The following SLC7A1 variants were observed in gnomAD, a reference collection of about 807,000 sequenced individuals.
The protein encoded by SLC7A1 is high affinity cationic amino acid transporter 1.
In SLC7A1, 10 loss-of-function variants were observed where a neutral mutation model predicts 53.9. The ratio of observed to expected loss-of-function variants is 0.19; its 90% CI spans 0.11 to 0.31. SLC7A1 has a LOEUF of 0.31. SLC7A1 is among the 10% of genes least tolerant of loss of function. The pLI is 1.00. For missense variants in SLC7A1, 525 were observed against 827.2 expected, an observed-to-expected ratio of 0.63 and a Z score of 4.48; for synonymous variants, 342 against 338.7, an observed-to-expected ratio of 1.01 and a Z score of -0.11.
At chr13:29,563,766 C>G (rs1282669879) in intron 1 of SLC7A1, among the ~76,000 whole-genome samples, 6 of 152,144 alleles carry the variant, frequency 3.9e-5, no homozygotes, top group Non-Finnish European at 8.8e-5. Flanking sequence ...CCCATCCCCA[C>G]TTTATGGATG....
intron 4 of SLC7A1, among the ~76,000 whole-genome samples, chr13:29,532,392 G>A (rs184805936): frequency 9.5e-4 from 144 of 152,262 alleles, no homozygotes; most frequent in Admixed American, 4.1e-3. Flanking sequence ...ATCTTCAGAC[G>A]CCCCAGGCAC....
At chr13:29,538,797 G>A (rs1013087501) in intron 2 of SLC7A1, among the ~76,000 whole-genome samples, 3 of 152,246 alleles carry the variant, frequency 2.0e-5, no homozygotes, top group Non-Finnish European at 4.4e-5. Context: ...TGTGCTGGGA[G>A]ATGTGCAAAA....
chr13:29,562,633 T>C (rs1310230487), intron 1 of SLC7A1, among the ~76,000 whole-genome samples: 1 of 152,140 alleles, frequency 6.6e-6, no homozygotes, highest in African/African-American at 2.4e-5. Context: ...AACATATGCA[T>C]TACCTCGCAC....
rs1429160775 is a variant in SLC7A1 at position 29,511,875 on chromosome 13, T to C, written c.*2605A>G. On this transcript the variant is annotated 3_prime_UTR_variant, in exon 13 of 13. Coordinates refer to ENST00000380752, the MANE Select transcript of SLC7A1 (RefSeq NM_003045.5). ...TACTCCTTGGTGGGTGTGCCTCTAG[T>C]AATGTGTAAGTTCTGACTATGTAGG... is the stretch of plus-strand genomic sequence containing the variant. 4 of 152,062 alleles carry C rather than the reference T, an allele frequency of 2.6e-5. No individual in the cohort carries two copies. The highest frequency in any genetic ancestry group is 5.9e-5 in the Non-Finnish European group (4 of 68,036). 9.4% of individuals were successfully genotyped at this position (152,062 alleles called of 1,614,324 possible). A position where few individuals can be genotyped will look rare whatever the true frequency, so the allele number is the denominator to read the frequency against.
intron 2 of SLC7A1, among the ~76,000 whole-genome samples, chr13:29,540,374 C>A (rs1279455994): frequency 3.3e-5 from 5 of 152,200 alleles, no homozygotes; most frequent in African/African-American, 1.2e-4. Flanking sequence ...TGAGGGGTAT[C>A]CTCAGAAAAG....
chr13:29,582,396 G>A (rs1268239596), intron 1 of SLC7A1, among the ~76,000 whole-genome samples: 2 of 152,202 alleles, frequency 1.3e-5, no homozygotes, highest in Non-Finnish European at 2.9e-5. Flanking sequence ...TGACTGGGTC[G>A]CCACACCCCT....
At position 29,510,468 on chromosome 13, in the gene SLC7A1, C is replaced by T. The variant is rs999771668; in HGVS notation, c.*4012G>A. The T allele has an allele frequency of 6.6e-6, 1 of 152,434 alleles. No individual in the cohort carries two copies. The highest frequency in any genetic ancestry group is 2.4e-5 in the African/African-American group (1 of 41,456). The allele number at this position is 152,434 out of a possible 1,614,324, so 9.4% of individuals were successfully genotyped here. The stretch of plus-strand genomic sequence containing the variant: ...TGTACATCTCCCTCTCCCTTCAGAG[C>T]CTTACATATAATCTTCTCATGACGA... On this transcript the variant is annotated 3_prime_UTR_variant, in exon 13 of 13. Coordinates refer to ENST00000380752, the MANE Select transcript of SLC7A1 (RefSeq NM_003045.5).
intron 1 of SLC7A1, among the ~76,000 whole-genome samples, chr13:29,567,871 C>A (rs1566272207): frequency 1.3e-5 from 2 of 151,870 alleles, no homozygotes; most frequent in Non-Finnish European, 2.9e-5. Context: ...TTCTCCTGGG[C>A]CTAAATCACT....
At chr13:29,576,293 T>TAAAAAAAAAAAAAAAAAAAAA (rs3069134) in intron 1 of SLC7A1, among the ~76,000 whole-genome samples, 52 of 124,930 alleles carry the variant, frequency 4.2e-4, no homozygotes, top group South Asian at 5.0e-4. Flanking sequence ...TCCTGTTTTT[T>TAAAAAAAAAAAAAAAAAAAAA]AAAAAAAAAA....
At position 29,517,640 on chromosome 13, in the gene SLC7A1, G is replaced by T; in HGVS notation, c.1443C>A (p.Leu481=). Residue 481 remains leucine (L), a synonymous_variant, in exon 10 of 13, where the codon CTC becomes CTA. Coordinates refer to ENST00000380752, the MANE Select transcript of SLC7A1 (RefSeq NM_003045.5). ...EAEMFSLKTI[L]SPKNMEPSKI... ...TGGAAGGCTCCATGTTTTTGGGTGA[G>T]AGTATGGTTTTCAAAGAGAACATCT... 3 of 1,614,230 alleles carry T rather than the reference G, an allele frequency of 1.9e-6. No individual in the cohort carries two copies. The highest frequency in any genetic ancestry group is 2.5e-6 in the Non-Finnish European group (3 of 1,180,020).
intron 1 of SLC7A1, among the ~76,000 whole-genome samples, chr13:29,581,144 T>G (rs1435222306): frequency 6.6e-6 from 1 of 151,968 alleles, no homozygotes; most frequent in Non-Finnish European, 1.5e-5. Flanking sequence ...CAGAGAAAAA[T>G]AAAAATCACA....
At chr13:29,579,299 C>T (rs929107357) in intron 1 of SLC7A1, among the ~76,000 whole-genome samples, 7 of 152,078 alleles carry the variant, frequency 4.6e-5, no homozygotes, top group Non-Finnish European at 8.8e-5. Context: ...CAGGACACCA[C>T]GGCCAGGGAT....
At chr13:29,564,919 C>T (rs1870903427) in intron 1 of SLC7A1, among the ~76,000 whole-genome samples, 1 of 152,192 alleles carries the variant, frequency 6.6e-6, no homozygotes, top group Admixed American at 6.5e-5. Flanking sequence ...CCCTCCATTA[C>T]ATTCTGTTCT....
At chr13:29,569,547 C>A (rs1156522891) in intron 1 of SLC7A1, among the ~76,000 whole-genome samples, 1 of 152,140 alleles carries the variant, frequency 6.6e-6, no homozygotes, top group East Asian at 1.9e-4. Context: ...GAGGCGGGGG[C>A]TGCAATAATC....
At chr13:29,524,393 C>A in intron 5 of SLC7A1, 140 bp from the exon 6 acceptor site, 1 of 1,060,962 alleles carries the variant, frequency 9.4e-7, no homozygotes. Flanking sequence ...GCTTCAGACG[C>A]TGAGTCCAGC....
chr13:29,545,341 G>A (rs1869868040), intron 2 of SLC7A1, among the ~76,000 whole-genome samples: 1 of 151,710 alleles, frequency 6.6e-6, no homozygotes, highest in East Asian at 1.9e-4. Flanking sequence ...TCAGACTATC[G>A]CCCCCATGCC....
At chr13:29,582,872 T>C (rs2139185532) in intron 1 of SLC7A1, among the ~76,000 whole-genome samples, 1 of 152,324 alleles carries the variant, frequency 6.6e-6, no homozygotes, top group Admixed American at 6.5e-5. Context: ...CCACTCCTAC[T>C]GCCACTTCTG....
chr13:29,545,887 G>A (rs1453899608), intron 2 of SLC7A1, among the ~76,000 whole-genome samples: 4 of 152,208 alleles, frequency 2.6e-5, no homozygotes, highest in Non-Finnish European at 4.4e-5. Context: ...CACCCGAAAA[G>A]TGTTTCCTCC....
chr13:29,538,007 T>C (rs1869501531), intron 2 of SLC7A1, among the ~76,000 whole-genome samples: 1 of 152,198 alleles, frequency 6.6e-6, no homozygotes, highest in Admixed American at 6.5e-5. Flanking sequence ...GTCGCATCAC[T>C]GATCAGCTCC....
Sources: allele counts gnomAD v4.1 joint callset (sites outside exome capture counted in the v4.1 genomes callset), GRCh38; gene constraint gnomAD v4.1.1; transcripts MANE v1.5; gene names NCBI Gene and HGNC (gene_info 2026-07-23, HGNC 2026-07-21).